CHRNE: variants seen among roughly 807,000 people sequenced by gnomAD.
CHRNE encodes acetylcholine receptor subunit epsilon.
CHRNE carries 58 observed loss-of-function variants against 56.5 expected under a neutral mutation model. The ratio of observed to expected loss-of-function variants is 1.03; its 90% CI spans 0.83 to 1.28. The LOEUF is 1.28. Ranked by LOEUF, CHRNE falls within the 50% of genes most tolerant of loss-of-function variation. The pLI is 0.00. For synonymous variants in CHRNE, 385 were observed against 297.9 expected (o/e 1.29, Z -3.01); for missense variants, 793 against 688.9 (o/e 1.15, Z -1.69).
In CHRNE at chr17:4,902,372, T is replaced by G. The variant is rs1970020511; in HGVS notation, c.235-46A>C. ...GGCCGCGTGCCCTGCATCTCCCACC[T>G]GGCGCTGCCTGGGAGGGGTTTGGGG... On this transcript the variant is annotated intron_variant, in intron 3 of 11. Coordinates refer to ENST00000649488, the MANE Select transcript of CHRNE (RefSeq NM_000080.4). The surrounding 1 kb of genome is among the most constrained non-coding windows in gnomAD (Gnocchi z 4.0). 4.3e-6 allele frequency: 7 copies of G among 1,612,798 alleles called. 1 individual carries two copies. The highest frequency in any genetic ancestry group is 2.7e-5 in the African/African-American group (2 of 74,900).
In CHRNE at chr17:4,902,726, A is replaced by G; in HGVS notation, c.84T>C (p.Tyr28=). The change falls in exon 2 of 12, where the codon TAT becomes TAC. Residue 28 remains tyrosine, a synonymous_variant. Transcript: ENST00000649488. The surrounding 1 kb of genome is among the most constrained non-coding windows in gnomAD (Gnocchi z 4.0). ...GGTCATAGTTGTTGAAGAGATGGTG[A>G]TAAAGACGCAGTTCCTCGTTCTTCC... ...GVGKNEELRL[Y]HHLFNNYDPG... is the part of the protein sequence containing the mutation. 2 of 1,613,998 alleles carry G rather than the reference A, an allele frequency of 1.2e-6. No individual in the cohort carries two copies. The highest frequency in any genetic ancestry group is 1.7e-6 in the Non-Finnish European group (2 of 1,179,998).
intron 6 of CHRNE, 157 bp downstream of exon 6, chr17:4,901,368 A>C: frequency 3.2e-6 from 3 of 933,134 alleles, no homozygotes; most frequent in Non-Finnish European, 5.1e-6. Context: ...AGGCAGGACT[A>C]GAGTAACAAT....
chr17:4,901,259 G>C, intron 6 of CHRNE, 69 bp from the exon 7 acceptor site: 1 of 1,547,734 alleles, frequency 6.5e-7, no homozygotes, highest in South Asian at 1.1e-5. Flanking sequence ...GCGGGCTGAA[G>C]AGGAGGCTGC....
At position 4,902,145 on chromosome 17, in the gene CHRNE, C is replaced by G; in HGVS notation, c.345-58G>C. 1.2e-6 allele frequency: 2 copies of G among 1,613,450 alleles called. No individual in the cohort carries two copies. Among genetic ancestry groups the G allele is most frequent in the South Asian group, 1.1e-5 (1 of 91,062 alleles). On this transcript the variant is annotated intron_variant, in intron 4 of 11. Transcript: ENST00000649488. This position sits in a 1 kb window ranked among gnomAD's most constrained non-coding sequence, Gnocchi z 4.0. ...AGGTCTGCACCCTCTCAGAGTACCC[C>G]CTTCCCCAACCAAGTCCAGCCCGCA... is the stretch of plus-strand genomic sequence containing the variant.
At position 4,900,265 on chromosome 17, in the gene CHRNE, C is replaced by G. The variant is rs549786886; in HGVS notation, c.917+528G>C. ...TCAGCCCTGTGGCTGCAGCAGGAGG[C>G]GCGGCGACTAGACGGCAGCGCGGGC... On this transcript the variant is annotated intron_variant, in intron 8 of 11. Coordinates refer to ENST00000649488, the MANE Select transcript of CHRNE (RefSeq NM_000080.4). 7.8e-6 allele frequency: 12 copies of G among 1,546,092 alleles called. No individual in the cohort carries two copies. The East Asian group carries it at 2.9e-4, about 38-fold the overall frequency.
At position 4,899,670 on chromosome 17, in the gene CHRNE, T is replaced by C. The variant is rs1969891855; in HGVS notation, c.918-88A>G. Reference sequence around the variant, plus strand: ...CTGACCTCACAAACACGGCTTCTCCTGGTACGGGCTGGTTACGCCCTCCAG... The same window carrying C: ...CTGACCTCACAAACACGGCTTCTCCCGGTACGGGCTGGTTACGCCCTCCAG... On this transcript the variant is annotated intron_variant, in intron 8 of 11. Coordinates refer to ENST00000649488, the MANE Select transcript of CHRNE (RefSeq NM_000080.4). The C allele has an allele frequency of 8.3e-6, 12 of 1,437,126 alleles. 1 individual carries two copies. The highest frequency in any genetic ancestry group is 1.1e-5 in the Non-Finnish European group (12 of 1,043,690). 89.0% of individuals were successfully genotyped at this position (1,437,126 alleles called of 1,614,324 possible).
chr17:4,900,498 G>A (rs1304429225), intron 8 of CHRNE: 16 of 1,550,874 alleles, frequency 1.0e-5, no homozygotes, highest in Middle Eastern at 3.3e-4. Context: ...CGGAATCCCC[G>A]GAGAACCGGT....
chr17:4,903,003 A>G lies in CHRNE; in HGVS notation c.46+15T>C. ...TCTGTGTGTGTCCAATTGCCCCTCT[A>G]GCCCCTGTCCGTACCGAGAAGCCCC... On this transcript the variant is annotated intron_variant, in intron 1 of 11. Transcript: ENST00000649488. The G allele has an allele frequency of 6.2e-7, 1 of 1,613,842 alleles. No homozygotes were observed. Among genetic ancestry groups the G allele is most frequent in the African/African-American group, 1.3e-5 (1 of 74,916 alleles).
chr17:4,898,528 G>T lies in CHRNE; in HGVS notation c.*208C>A. On this transcript the variant is annotated 3_prime_UTR_variant, in exon 12 of 12. Coordinates refer to ENST00000649488, the MANE Select transcript of CHRNE (RefSeq NM_000080.4). ...CTTTCTGGAAGACTGGCACCTGAGA[G>T]CCTATGTGAACCCTTTCCTCCTGCT... 1 of 638,208 alleles carries T rather than the reference G, an allele frequency of 1.6e-6. No homozygotes were observed. Among genetic ancestry groups the T allele is most frequent in the Non-Finnish European group, 2.7e-6 (1 of 366,018 alleles). 39.5% of individuals were successfully genotyped at this position (638,208 alleles called of 1,614,324 possible).
Position 4,903,089 on chromosome 17 carries a change from T to A in CHRNE, c.-26A>T. ...CCTGCTGCGTGGTTCTCAGGGTTAT[T>A]CTGAGCTCTGGCAGGCTTGGAGGGG... On this transcript the variant is annotated 5_prime_UTR_variant, in exon 1 of 12. Coordinates refer to ENST00000649488, the MANE Select transcript of CHRNE (RefSeq NM_000080.4). 6.2e-7 allele frequency: 1 copy of A among 1,613,736 alleles called. No individual in the cohort carries two copies. Among genetic ancestry groups the A allele is most frequent in the South Asian group, 1.1e-5 (1 of 91,034 alleles).
chr17:4,904,617 G>C (rs1303494820), upstream of CHRNE, among the ~76,000 whole-genome samples: 1 of 152,162 alleles, frequency 6.6e-6, no homozygotes, highest in Non-Finnish European at 1.5e-5. Flanking sequence ...TACATGAAAG[G>C]GGATGCTAAG....
chr17:4,898,709 T>A lies in CHRNE; in HGVS notation c.*27A>T. On this transcript the variant is annotated 3_prime_UTR_variant, in exon 12 of 12. Transcript: ENST00000649488. ...TTCAAAATCAATTTCCTACTGGAGA[T>A]GGGTGGGAAATTGAAGTCGGTGCGA... The A allele has an allele frequency of 6.2e-7, 1 of 1,603,132 alleles. No homozygotes were observed. Among genetic ancestry groups the A allele is most frequent in the Non-Finnish European group, 8.5e-7 (1 of 1,175,572 alleles).
chr17:4,908,168 T>C (rs1380347846), intron 1 of CHRNE, among the ~76,000 whole-genome samples: 1 of 152,094 alleles, frequency 6.6e-6, no homozygotes, highest in African/African-American at 2.4e-5. Context: ...AGACTCTGTC[T>C]CAAAATAATA....
At chr17:4,899,765 G>A (rs1432726322) in intron 8 of CHRNE, 183 bp from the exon 9 acceptor site, 2 of 1,551,330 alleles carry the variant, frequency 1.3e-6, no homozygotes, top group Non-Finnish European at 1.7e-6. Flanking sequence ...TGGCGGCCAT[G>A]AAGGGGACCC....
rs1437247387 is a variant in CHRNE, at chr17:4,898,695, T to A, written c.*41A>T. 1.3e-6 allele frequency: 2 copies of A among 1,591,978 alleles called. No homozygotes were observed. The highest frequency in any genetic ancestry group is 2.7e-5 in the African/African-American group (2 of 74,900). On this transcript the variant is annotated 3_prime_UTR_variant, in exon 12 of 12. Coordinates refer to ENST00000649488, the MANE Select transcript of CHRNE (RefSeq NM_000080.4). ...CGGCAGCCTACTTTTTCAAAATCAA[T>A]TTCCTACTGGAGATGGGTGGGAAAT... is the stretch of plus-strand genomic sequence containing the variant.
In CHRNE at chr17:4,902,331, G is replaced by C. The variant is rs371818740; in HGVS notation, c.235-5C>G. 6.2e-7 allele frequency: 1 copy of C among 1,614,164 alleles called. No individual in the cohort carries two copies. ...GAGTCGGTAATCCTGCCAATCCTAA[G>C]GGGTGGGGGATGGAAGGCCGCGTGC... is the stretch of plus-strand genomic sequence containing the variant. On this transcript the variant is annotated splice_polypyrimidine_tract_variant and splice_region_variant and intron_variant, in intron 3 of 11. Coordinates refer to ENST00000649488, the MANE Select transcript of CHRNE (RefSeq NM_000080.4). The surrounding 1 kb of genome is among the most constrained non-coding windows in gnomAD (Gnocchi z 4.0).
At chr17:4,903,287 T>A (rs1970043375), upstream of CHRNE, among the ~76,000 whole-genome samples, 1 of 152,126 alleles carries the variant, frequency 6.6e-6, no homozygotes, top group African/African-American at 2.4e-5. Flanking sequence ...CCCAGCGTCC[T>A]TTGCCTGGTA....
chr17:4,906,831 G>A (rs1373766556), upstream of CHRNE, among the ~76,000 whole-genome samples: 1 of 152,062 alleles, frequency 6.6e-6, no homozygotes, highest in Non-Finnish European at 1.5e-5. Context: ...AGCAAATGTG[G>A]TACATATACA....
At position 4,902,263 on chromosome 17, in the gene CHRNE, C is replaced by T. The variant is rs1401714815; in HGVS notation, c.298G>A (p.Val100Ile). 6.2e-7 allele frequency: 1 copy of T among 1,614,154 alleles called. No homozygotes were observed. Among genetic ancestry groups the T allele is most frequent in the East Asian group, 2.2e-5 (1 of 44,862 alleles). ...DDFGGIETLR[V>I]PSELVWLPEI... is the part of the protein sequence containing the mutation. ...GGCAGCCACACGAGTTCTGAAGGGACTCGCAGGGTTTCTATACCCCCAAAG... is the reference window on the plus strand; with the variant it reads ...GGCAGCCACACGAGTTCTGAAGGGATTCGCAGGGTTTCTATACCCCCAAAG... Residue 100 changes from valine (V) to isoleucine (I), a missense_variant, in exon 4 of 12, where the codon GTC (valine) becomes ATC (isoleucine). Transcript: ENST00000649488. The surrounding 1 kb of genome is among the most constrained non-coding windows in gnomAD (Gnocchi z 4.0).
Sources: gnomAD v4.1 joint callset for allele counts (sites outside exome capture counted in the v4.1 genomes callset) on GRCh38, gnomAD v4.1.1 for gene constraint, Gnocchi (gnomAD v3.1) non-coding constraint, MANE v1.5 for transcripts, NCBI Gene and HGNC (gene_info 2026-07-23, HGNC 2026-07-21) for gene names.